The following ZSCAN25 variants were observed in gnomAD, a reference collection of about 807,000 sequenced individuals.
The protein encoded by ZSCAN25 is zinc finger and SCAN domain containing 25, also known as zinc finger and SCAN domain-containing protein 25.
In ZSCAN25, 27 loss-of-function variants were observed where a neutral mutation model predicts 38.7. The observed-to-expected ratio is 0.70, with a 90% CI of 0.51 to 0.96. ZSCAN25 has a LOEUF of 0.96. Among genes scored for constraint, ZSCAN25 ranks in the 40% least tolerant of loss-of-function variants. The pLI, the probability that ZSCAN25 is intolerant of heterozygous loss-of-function variation, is 0.00. For missense variants in ZSCAN25, 637 were observed against 705.9 expected, an observed-to-expected ratio of 0.90 and a Z score of 1.11; for synonymous variants, 273 against 277.7, an observed-to-expected ratio of 0.98 and a Z score of 0.17.
rs780433486 is a variant in ZSCAN25, at chr7:99,629,718, C to T, written c.1333C>T (p.His445Tyr). The T allele has an allele frequency of 1.9e-6, 3 of 1,614,146 alleles. No individual in the cohort carries two copies. Among genetic ancestry groups the T allele is most frequent in the Admixed American group, 1.7e-5 (1 of 60,022 alleles). Residue 445 changes from histidine to tyrosine, a missense_variant, in exon 8 of 8, where the codon CAC (histidine) becomes TAC (tyrosine). Transcript: ENST00000394152. The surrounding 1 kb of genome is among the most constrained non-coding windows in gnomAD (Gnocchi z 5.6). Reference sequence around the variant, plus strand: ...CTGGAAGAGCTTCAGCCGCAGGCAGCACCTGCAGGTGCACCGGAGGACGCA... The same window carrying T: ...CTGGAAGAGCTTCAGCCGCAGGCAGTACCTGCAGGTGCACCGGAGGACGCA... Reference protein sequence around the residue: ...DCWKSFSRRQHLQVHRRTHTG... With the variant: ...DCWKSFSRRQYLQVHRRTHTG...
chr7:99,660,852 A>G, the ZSCAN25 span, among the ~76,000 whole-genome samples: 1 of 152,178 alleles, frequency 6.6e-6, no homozygotes, highest in African/African-American at 2.4e-5. Context: ...ATTTTAATCC[A>G]GGTTTTCCCA....
At chr7:99,708,676 A>T in the ZSCAN25 span, among the ~76,000 whole-genome samples, 1 of 152,140 alleles carries the variant, frequency 6.6e-6, no homozygotes, top group Non-Finnish European at 1.5e-5. Context: ...TTTTTATTCA[A>T]ATTTGATTCC....
At chr7:99,656,150 C>G in the ZSCAN25 span, among the ~76,000 whole-genome samples, 5 of 152,152 alleles carry the variant, frequency 3.3e-5, no homozygotes. Context: ...GCATCCCTGT[C>G]TTGTGCCAGT....
intron 7 of ZSCAN25, among the ~76,000 whole-genome samples, chr7:99,627,364 C>T (rs1400881162): frequency 6.6e-6 from 1 of 150,856 alleles, no homozygotes; most frequent in East Asian, 1.9e-4. Flanking sequence ...TTCATAACAC[C>T]TCAAAACTGA....
At chr7:99,729,985 A>G in the ZSCAN25 span, among the ~76,000 whole-genome samples, 15 of 152,362 alleles carry the variant, frequency 9.8e-5, no homozygotes, top group African/African-American at 3.1e-4. Context: ...ATTCCTGGGC[A>G]GTAATTAGAC....
intron 6 of ZSCAN25, 72 bp downstream of exon 6, chr7:99,622,712 C>A: frequency 6.9e-7 from 1 of 1,442,690 alleles, no homozygotes; most frequent in Non-Finnish European, 9.7e-7. Flanking sequence ...CAAGGTTTCT[C>A]TGCACAACAG....
the ZSCAN25 span, chr7:99,735,105 T>C: frequency 6.2e-7 from 1 of 1,613,910 alleles, no homozygotes; most frequent in Non-Finnish European, 8.5e-7. Context: ...ACTACTTTCC[T>C]TCCTTATCTC....
the ZSCAN25 span, among the ~76,000 whole-genome samples, chr7:99,702,091 CTT>C: frequency 3.6e-5 from 5 of 140,150 alleles, no homozygotes; most frequent in Non-Finnish European, 6.1e-5. Flanking sequence ...AGATTTCAGT[CTT>C]TTTTTTTTTT....
the ZSCAN25 span, among the ~76,000 whole-genome samples, chr7:99,735,567 G>C: frequency 6.6e-6 from 1 of 152,108 alleles, no homozygotes; most frequent in Non-Finnish European, 1.5e-5. Context: ...CCTGGAGTGT[G>C]CCTGTGCCCC....
At position 99,619,894 on chromosome 7, in the gene ZSCAN25, C is replaced by G. The variant is rs61737531; in HGVS notation, c.288C>G (p.Arg96=). The G allele has an allele frequency of 6.2e-7, 1 of 1,614,228 alleles. No individual in the cohort carries two copies. Among genetic ancestry groups the G allele is most frequent in the Non-Finnish European group, 8.5e-7 (1 of 1,180,048 alleles). Reference sequence around the variant, plus strand: ...AGCAGTTCCTCACTATCCTGCCCCGCGAGTTCTACGCCTGGATCCGGGAGC... The same window carrying G: ...AGCAGTTCCTCACTATCCTGCCCCGGGAGTTCTACGCCTGGATCCGGGAGC... The part of the protein sequence containing the change: ...VLEQFLTILP[R]EFYAWIREHG... The change falls in exon 4 of 8, where the codon CGC becomes CGG. Residue 96 remains arginine (R), a synonymous_variant. Transcript: ENST00000394152.
the ZSCAN25 span, among the ~76,000 whole-genome samples, chr7:99,698,366 C>A: frequency 2.0e-5 from 3 of 152,252 alleles, no homozygotes; most frequent in South Asian, 6.2e-4. Context: ...TTTGAGTGAC[C>A]TCCACTGTGG....
At chr7:99,678,064 G>T in the ZSCAN25 span, among the ~76,000 whole-genome samples, 19 of 152,208 alleles carry the variant, frequency 1.2e-4, no homozygotes, top group Non-Finnish European at 2.4e-4. Flanking sequence ...GCATGTAATT[G>T]TGTTGGCCTA....
the ZSCAN25 span, among the ~76,000 whole-genome samples, chr7:99,690,912 A>C: frequency 1.2e-4 from 19 of 152,228 alleles, no homozygotes; most frequent in Non-Finnish European, 2.5e-4. Context: ...AGAACTAGGA[A>C]TACCATTTGA....
chr7:99,667,172 T>C, the ZSCAN25 span: 1 of 1,120,014 alleles, frequency 8.9e-7, no homozygotes, highest in Non-Finnish European at 1.3e-6. Context: ...TTATTGACTG[T>C]ATATGATATT....
the ZSCAN25 span, among the ~76,000 whole-genome samples, chr7:99,657,978 T>C: frequency 6.6e-6 from 1 of 152,202 alleles, no homozygotes; most frequent in East Asian, 1.9e-4. Context: ...TATGTGTTAC[T>C]TTGCACGTGA....
chr7:99,731,635 A>G, the ZSCAN25 span, among the ~76,000 whole-genome samples: 9 of 151,896 alleles, frequency 5.9e-5, no homozygotes, highest in African/African-American at 1.9e-4. Flanking sequence ...GCCTATGGTG[A>G]CCCTGTCTTT....
the ZSCAN25 span, chr7:99,680,044 A>G: frequency 5.7e-6 from 4 of 703,570 alleles, no homozygotes; most frequent in East Asian, 1.0e-4. Context: ...AGAAGGAGGC[A>G]GGGCTATAGC....
chr7:99,726,993 AT>A, the ZSCAN25 span, among the ~76,000 whole-genome samples: 1 of 152,132 alleles, frequency 6.6e-6, no homozygotes, highest in East Asian at 1.9e-4. Context: ...TTGCCTTTGG[AT>A]ACCTGGTTTT....
the ZSCAN25 span, chr7:99,695,784 G>C: frequency 6.2e-7 from 1 of 1,613,746 alleles, no homozygotes; most frequent in Non-Finnish European, 8.5e-7. Flanking sequence ...AAAAGCAGAG[G>C]TGTGGGCCCT....
Sources: gnomAD v4.1 joint callset for allele counts (sites outside exome capture counted in the v4.1 genomes callset) on GRCh38, gnomAD v4.1.1 for gene constraint, Gnocchi (gnomAD v3.1) non-coding constraint, MANE v1.5 for transcripts, NCBI Gene and HGNC (gene_info 2026-07-23, HGNC 2026-07-21) for gene names.